Variants in LRRC7 observed in about 807,000 individuals in gnomAD.
LRRC7 encodes leucine-rich repeat-containing protein 7.
In LRRC7, 23 loss-of-function variants were observed where a neutral mutation model predicts 175.7. The ratio of observed to expected loss-of-function variants is 0.13; its 90% CI spans 0.09 to 0.19. The LOEUF is 0.19. Among genes scored for constraint, LRRC7 ranks in the 10% least tolerant of loss-of-function variants. LRRC7 has a pLI of 1.00. For missense variants in LRRC7, 1,354 were observed against 1,904.7 expected, an observed-to-expected ratio of 0.71 and a Z score of 5.38; for synonymous variants, 685 against 680.9, an observed-to-expected ratio of 1.01 and a Z score of -0.09.
chr1:69,844,549 A>G (rs899245147), intron 7 of LRRC7, among the ~76,000 whole-genome samples: 1 of 152,154 alleles, frequency 6.6e-6, no homozygotes, highest in African/African-American at 2.4e-5. Flanking sequence ...ATTCCGCTAT[A>G]TACATACATA....
intron 2 of LRRC7, among the ~76,000 whole-genome samples, chr1:69,740,272 T>G (rs1668565927): frequency 1.3e-5 from 2 of 152,092 alleles, no homozygotes; most frequent in South Asian, 4.1e-4. Context: ...TTCTGAAGCC[T>G]CTTTCCATGG....
intron 11 of LRRC7, among the ~76,000 whole-genome samples, chr1:69,996,885 CT>C (rs1292425812): frequency 1.3e-5 from 2 of 152,018 alleles, no homozygotes; most frequent in African/African-American, 2.4e-5. Flanking sequence ...AATGCGGGCT[CT>C]TTTTTGGTTC....
chr1:70,108,610 G>A lies in LRRC7; in HGVS notation c.4620+784G>A, dbSNP rs142171740. 9.1e-3 allele frequency among the ~76,000 whole-genome samples: 1,382 copies of A among 152,184 alleles called. 56 individuals carry two copies. Among genetic ancestry groups the A allele is most frequent in the Admixed American group, 0.073 (1,116 of 15,286 alleles). Reference sequence around the variant, plus strand: ...ATTTAAGCTTCAGTATTTTGACTTAGAACCCCAGAAATTTCCCGTTATATA... The same window carrying A: ...ATTTAAGCTTCAGTATTTTGACTTAAAACCCCAGAAATTTCCCGTTATATA... On this transcript the variant is annotated intron_variant, in intron 26 of 26. Coordinates refer to ENST00000651989, the MANE Select transcript of LRRC7 (RefSeq NM_001370785.2).
At chr1:70,049,870 A>T (rs1483775764) in intron 22 of LRRC7, among the ~76,000 whole-genome samples, 7 of 152,104 alleles carry the variant, frequency 4.6e-5, no homozygotes, top group Non-Finnish European at 8.8e-5. Flanking sequence ...CAGATTTTTG[A>T]ATCTGTGGTA....
In LRRC7 at chr1:69,885,235, C is replaced by A. The variant is rs1687056540; in HGVS notation, c.648-46272C>A. Among the ~76,000 whole-genome samples the A allele has an allele frequency of 2.2e-5, 3 of 136,102 alleles. No individual in the cohort carries two copies. In the South Asian group the frequency reaches 7.4e-4, roughly 34 times the overall value. 89.3% of individuals were successfully genotyped at this position (136,102 alleles called of 152,430 possible). On this transcript the variant is annotated intron_variant, in intron 7 of 26. Coordinates refer to ENST00000651989, the MANE Select transcript of LRRC7 (RefSeq NM_001370785.2). ...CCTCTGGTAGAATTCAGCTGTGAAT[C>A]CATCTGGTCCTGGACTCTTTTTGGT...
At chr1:70,080,077 C>G (rs1205560140) in intron 24 of LRRC7, among the ~76,000 whole-genome samples, 1 of 152,152 alleles carries the variant, frequency 6.6e-6, no homozygotes, top group African/African-American at 2.4e-5. Flanking sequence ...AATGCCCTCT[C>G]TGTCAAATGA....
At chr1:69,624,468 G>A (rs1250390248) in intron 1 of LRRC7, among the ~76,000 whole-genome samples, 8 of 151,006 alleles carry the variant, frequency 5.3e-5, no homozygotes, top group African/African-American at 1.9e-4. Flanking sequence ...TCCATAATTT[G>A]TTTTTTCCAC....
intron 25 of LRRC7, among the ~76,000 whole-genome samples, chr1:70,091,002 T>C (rs1048687087): frequency 1.3e-5 from 2 of 152,092 alleles, no homozygotes; most frequent in Admixed American, 6.6e-5. Flanking sequence ...GGTCGCATGA[T>C]TATATACATT....
At chr1:69,781,492 A>C (rs978998278) in intron 3 of LRRC7, among the ~76,000 whole-genome samples, 1 of 151,372 alleles carries the variant, frequency 6.6e-6, no homozygotes, top group African/African-American at 2.4e-5. Flanking sequence ...GACTAGGCTG[A>C]CCATCATGGT....
chr1:69,856,673 C>T (rs1370784504), intron 7 of LRRC7, among the ~76,000 whole-genome samples: 1 of 152,188 alleles, frequency 6.6e-6, no homozygotes, highest in Non-Finnish European at 1.5e-5. Context: ...CAGCTGAATT[C>T]TACCAAAGGT....
chr1:69,958,019 GAT>G (rs1175148039), intron 8 of LRRC7, among the ~76,000 whole-genome samples: 1 of 151,794 alleles, frequency 6.6e-6, no homozygotes, highest in African/African-American at 2.4e-5. Context: ...AGAAAAAACA[GAT>G]ATACTGTAGA....
chr1:69,732,932 G>C (rs751318289), intron 2 of LRRC7, among the ~76,000 whole-genome samples: 5 of 152,004 alleles, frequency 3.3e-5, no homozygotes, highest in Non-Finnish European at 5.9e-5. Flanking sequence ...CCCAGGAATT[G>C]ATCCAGAGGC....
chr1:69,801,074 T>A (rs1488562951), intron 4 of LRRC7, among the ~76,000 whole-genome samples: 2 of 151,254 alleles, frequency 1.3e-5, no homozygotes, highest in African/African-American at 4.8e-5. Context: ...TCACACACTT[T>A]GAATAAAACC....
In LRRC7 at chr1:69,568,951, T is replaced by A. The variant is rs577860908; in HGVS notation, c.2+310T>A. Among the ~76,000 whole-genome samples the A allele has an allele frequency of 8.5e-5, 13 of 152,344 alleles. No individual in the cohort carries two copies. In the South Asian group the frequency reaches 1.5e-3, roughly 17 times the overall value. ...AGGAAAGGTAAATGTTGGGCGCTGG[T>A]GCTGGGACCATTGGTTCCGCTGAAA... On this transcript the variant is annotated intron_variant, in intron 1 of 26. Coordinates refer to ENST00000651989, the MANE Select transcript of LRRC7 (RefSeq NM_001370785.2).
intron 17 of LRRC7, among the ~76,000 whole-genome samples, chr1:70,027,731 C>T (rs896333036): frequency 6.6e-6 from 1 of 152,098 alleles, no homozygotes; most frequent in African/African-American, 2.4e-5. Context: ...ACTTGTAAAG[C>T]TTTTGGGGTC....
rs186026624 is a variant in LRRC7 at position 69,581,549 on chromosome 1, G to A, written c.2+12908G>A. ...ATCTGGAGAGGGAACTAATTTATCCGTGTATAACTAGAACATTGACAGAAT... is the reference window on the plus strand; with the variant it reads ...ATCTGGAGAGGGAACTAATTTATCCATGTATAACTAGAACATTGACAGAAT... On this transcript the variant is annotated intron_variant, in intron 1 of 26. Transcript: ENST00000651989. 3.9e-3 allele frequency among the ~76,000 whole-genome samples: 593 copies of A among 152,224 alleles called. 7 individuals carry two copies. The highest frequency in any genetic ancestry group is 0.014 in the African/African-American group (565 of 41,550).
intron 1 of LRRC7, among the ~76,000 whole-genome samples, chr1:69,619,970 G>A (rs759602332): frequency 1.3e-5 from 2 of 152,120 alleles, no homozygotes; most frequent in Admixed American, 1.3e-4. Flanking sequence ...TGCTTTGATT[G>A]CAGATTCTAT....
In LRRC7 at chr1:70,105,684, CTGT is replaced by C. The variant is rs1665096166; in HGVS notation, c.4546-2066_4546-2064del. On this transcript the variant is annotated intron_variant, in intron 25 of 26. Transcript: ENST00000651989. ...CTTTAATCAATGCCCTGTTATTAGA[CTGT>C]TAAGTATAGTTTGTAATTTTTGTTA... 2.0e-5 allele frequency among the ~76,000 whole-genome samples: 3 copies of C among 152,190 alleles called. No individual in the cohort carries two copies. The South Asian group carries it at 6.2e-4, about 32-fold the overall frequency.
chr1:69,589,523 C>G lies in LRRC7; in HGVS notation c.2+20882C>G, dbSNP rs140150903. Among the ~76,000 whole-genome samples, 684 of 152,218 alleles carry G rather than the reference C, an allele frequency of 4.5e-3. 2 individuals carry two copies. Among genetic ancestry groups the G allele is most frequent in the African/African-American group, 0.015 (632 of 41,532 alleles). On this transcript the variant is annotated intron_variant, in intron 1 of 26. Transcript: ENST00000651989. ...ATCTCCCTTAGTCTCTAAATGGACACTTTGTTGCTCAGACCAGTTGTAAAT... is the reference window on the plus strand; with the variant it reads ...ATCTCCCTTAGTCTCTAAATGGACAGTTTGTTGCTCAGACCAGTTGTAAAT...
Sources: allele counts gnomAD v4.1 joint callset (sites outside exome capture counted in the v4.1 genomes callset), GRCh38; gene constraint gnomAD v4.1.1; transcripts MANE v1.5; gene names NCBI Gene and HGNC (gene_info 2026-07-23, HGNC 2026-07-21).